The following ITPKB variants were observed in gnomAD, a reference collection of about 807,000 sequenced individuals.
ITPKB encodes inositol-trisphosphate 3-kinase B.
Under a neutral mutation model 69.4 loss-of-function variants are expected in ITPKB, and 13 were observed. The ratio of observed to expected loss-of-function variants is 0.19; its 90% confidence interval spans 0.12 to 0.30. The LOEUF (loss-of-function observed/expected upper bound fraction) is 0.30, where lower values mean the gene tolerates loss of function less well. Ranked by LOEUF, ITPKB falls within the 10% of genes least tolerant of loss-of-function variation. ITPKB has a pLI of 1.00. For missense variants in ITPKB, 1,240 were observed against 1,250.5 expected (o/e 0.99, Z 0.13); for synonymous variants, 584 against 513.7 (o/e 1.14, Z -1.85).
intron 2 of ITPKB, among the ~76,000 whole-genome samples, chr1:226,689,565 T>TGTGTG (rs1375416337): frequency 7.6e-6 from 1 of 131,266 alleles, no homozygotes; most frequent in African/African-American, 3.0e-5. Flanking sequence ...TCGGAAGGTT[T>TGTGTG]TATTTGTGTG....
intron 2 of ITPKB, among the ~76,000 whole-genome samples, chr1:226,701,097 C>A (rs1238520541): frequency 1.3e-5 from 2 of 152,198 alleles, no homozygotes; most frequent in East Asian, 3.9e-4. Flanking sequence ...AATGCTAACA[C>A]ACCTCCAGGC....
At chr1:226,636,271 A>G (rs1668835274) in intron 7 of ITPKB, among the ~76,000 whole-genome samples, 1 of 152,174 alleles carries the variant, frequency 6.6e-6, no homozygotes, top group South Asian at 2.1e-4. Flanking sequence ...TGCTTCATCA[A>G]GTGGAAAGGA....
intron 2 of ITPKB, among the ~76,000 whole-genome samples, chr1:226,709,123 G>T (rs1656880751): frequency 6.6e-6 from 1 of 152,240 alleles, no homozygotes; most frequent in African/African-American, 2.4e-5. Context: ...CTCCTTTCTG[G>T]ATTCACCCAT....
intron 2 of ITPKB, among the ~76,000 whole-genome samples, chr1:226,730,018 A>G (rs1657540748): frequency 1.3e-5 from 2 of 152,214 alleles, no homozygotes; most frequent in Admixed American, 1.3e-4. Flanking sequence ...TTACTCCTGG[A>G]AAAATGGATC....
chr1:226,670,833 TTAA>T (rs1205775136), intron 2 of ITPKB, among the ~76,000 whole-genome samples: 1 of 152,258 alleles, frequency 6.6e-6, no homozygotes, highest in African/African-American at 2.4e-5. Context: ...AACCAATTAA[TTAA>T]TAATGCATAG....
chr1:226,721,481 G>C (rs1291381604), intron 2 of ITPKB, among the ~76,000 whole-genome samples: 2 of 151,876 alleles, frequency 1.3e-5, no homozygotes, highest in African/African-American at 4.8e-5. Context: ...ATCTGGTCAT[G>C]GGGTCATACT....
At chr1:226,702,570 T>G (rs1370936111) in intron 2 of ITPKB, among the ~76,000 whole-genome samples, 2 of 152,218 alleles carry the variant, frequency 1.3e-5, no homozygotes, top group Admixed American at 1.3e-4. Context: ...TAGAGAGAGA[T>G]GACCAAAATT....
In ITPKB at chr1:226,737,437, G is replaced by A; in HGVS notation, c.22C>T (p.Leu8Phe). MAVYCYA[L>F]NSLVIMNSAN... is the part of the protein sequence containing the mutation. ...CTATTCATGATCACCAGGCTATTGA[G>A]CGCATAGCAGTACACAGCCATAGTA... Residue 8 changes from leucine (L) to phenylalanine (F), a missense_variant, in exon 2 of 8, where the codon CTC becomes TTC. By Grantham distance (22) the Leu-to-Phe change is conservative. Around this residue, in one of 2 missense-constraint regions of ITPKB, gnomAD observed 992 missense variants for 853.8 expected, o/e 1.16. Coordinates refer to ENST00000429204, the MANE Select transcript of ITPKB (RefSeq NM_002221.4). The A allele has an allele frequency of 6.2e-7, 1 of 1,611,184 alleles. No homozygotes were observed. Among genetic ancestry groups the A allele is most frequent in the Non-Finnish European group, 8.5e-7 (1 of 1,179,528 alleles).
chr1:226,654,553 A>G (rs530770550), intron 2 of ITPKB, among the ~76,000 whole-genome samples: 1 of 152,336 alleles, frequency 6.6e-6, no homozygotes, highest in South Asian at 2.1e-4. Flanking sequence ...ACACAGAGCC[A>G]TAAAACAGAC....
At chr1:226,709,859 C>T (rs915533396) in intron 2 of ITPKB, among the ~76,000 whole-genome samples, 2 of 152,156 alleles carry the variant, frequency 1.3e-5, no homozygotes, top group East Asian at 3.8e-4. Context: ...TATCTCCCTG[C>T]TTGAAGAGAG....
At chr1:226,696,034 T>C (rs1278941490) in intron 2 of ITPKB, among the ~76,000 whole-genome samples, 1 of 152,178 alleles carries the variant, frequency 6.6e-6, no homozygotes, top group East Asian at 1.9e-4. Flanking sequence ...TCTTCTTCCA[T>C]TCAGTTCCTT....
chr1:226,721,897 C>G (rs1657254572), intron 2 of ITPKB, among the ~76,000 whole-genome samples: 1 of 147,762 alleles, frequency 6.8e-6, no homozygotes, highest in Non-Finnish European at 1.5e-5. Flanking sequence ...CATTGCAACT[C>G]CCGCCTCCCG....
At chr1:226,735,354 T>G (rs1479385507) in intron 2 of ITPKB, among the ~76,000 whole-genome samples, 173 bp downstream of exon 2, 1 of 152,234 alleles carries the variant, frequency 6.6e-6, no homozygotes, top group Non-Finnish European at 1.5e-5. Context: ...GGTCAGTGCC[T>G]CTGCTTCCAC....
intron 4 of ITPKB, 61 bp downstream of exon 4, chr1:226,647,106 G>A (rs1669077953): frequency 5.3e-6 from 8 of 1,510,414 alleles, no homozygotes; most frequent in Admixed American, 5.0e-5. Context: ...GTGCCACGCT[G>A]TGCACCTGCC....
At chr1:226,711,438 A>AGT (rs1474794768) in intron 2 of ITPKB, among the ~76,000 whole-genome samples, 87 of 116,158 alleles carry the variant, frequency 7.5e-4, no homozygotes, top group Middle Eastern at 4.4e-3. Flanking sequence ...AGAGAGAGAG[A>AGT]GAGAGTGTGT....
intron 2 of ITPKB, among the ~76,000 whole-genome samples, chr1:226,686,842 C>A (rs1341951273): frequency 2.0e-5 from 3 of 152,220 alleles, no homozygotes; most frequent in Non-Finnish European, 4.4e-5. Context: ...CTGGGGGCCA[C>A]ATATGGCTGA....
At chr1:226,723,339 G>A (rs1203623091) in intron 2 of ITPKB, among the ~76,000 whole-genome samples, 1 of 152,152 alleles carries the variant, frequency 6.6e-6, no homozygotes, top group African/African-American at 2.4e-5. Context: ...GAGCCACCTG[G>A]ACCTGAGTCC....
intron 2 of ITPKB, among the ~76,000 whole-genome samples, chr1:226,709,362 G>C (rs1656885465): frequency 1.3e-5 from 2 of 152,224 alleles, no homozygotes; most frequent in African/African-American, 4.8e-5. Context: ...GCTGCCGTGG[G>C]TGTGTCTGGC....
chr1:226,677,809 C>T (rs1027911844), intron 2 of ITPKB, among the ~76,000 whole-genome samples: 8 of 152,214 alleles, frequency 5.3e-5, no homozygotes, highest in African/African-American at 1.7e-4. Context: ...CATCACAGGG[C>T]GTTCGCCTCC....
Sources: gnomAD v4.1 joint callset for allele counts (sites outside exome capture counted in the v4.1 genomes callset) on GRCh38, gnomAD v4.1.1 for gene constraint, gnomAD v4.1.1 regional missense constraint, MANE v1.5 for transcripts, NCBI Gene and HGNC (gene_info 2026-07-23, HGNC 2026-07-21) for gene names.